The following TFEC variants were observed in gnomAD, a reference collection of about 807,000 sequenced individuals.
TFEC encodes the protein transcription factor EC, also known as class E basic helix-loop-helix protein 34.
A neutral mutation model predicts 41.6 loss-of-function variants in TFEC; 31 were observed. The observed-to-expected ratio is 0.74, with a 90% CI of 0.56 to 1.01. TFEC has a LOEUF of 1.01. Ranked by LOEUF, TFEC falls within the 50% of genes least tolerant of loss-of-function variation. TFEC has a pLI of 0.00. For synonymous variants in TFEC, 143 were observed against 140.6 expected (o/e 1.02, Z -0.12); for missense variants, 402 against 404.1 (o/e 0.99, Z 0.04).
At chr7:116,046,238 G>A (rs1023423360) in intron 3 of TFEC, among the ~76,000 whole-genome samples, 43 of 152,064 alleles carry the variant, frequency 2.8e-4, no homozygotes, top group African/African-American at 1.0e-3. Flanking sequence ...AGGGGCCAGG[G>A]GCAGAATGAT....
upstream of TFEC, among the ~76,000 whole-genome samples, chr7:116,033,050 T>C (rs895039421): frequency 6.6e-6 from 1 of 151,898 alleles, no homozygotes; most frequent in Non-Finnish European, 1.5e-5. Flanking sequence ...ACCTGATTGA[T>C]GTTTACAGAC....
intron 1 of TFEC, among the ~76,000 whole-genome samples, chr7:115,993,007 C>T (rs932336720): frequency 2.4e-4 from 37 of 152,166 alleles, no homozygotes; most frequent in Admixed American, 5.9e-4. Flanking sequence ...TTATCCACCA[C>T]GATCAAGTGG....
At chr7:116,074,345 T>C (rs1336924203) in intron 3 of TFEC, among the ~76,000 whole-genome samples, 1 of 151,830 alleles carries the variant, frequency 6.6e-6, no homozygotes, top group Non-Finnish European at 1.5e-5. Context: ...GAGGAATTAT[T>C]TGCAAATTAT....
intron 1 of TFEC, among the ~76,000 whole-genome samples, chr7:116,013,046 TC>T (rs759447531): frequency 3.7e-4 from 57 of 152,214 alleles, no homozygotes; most frequent in Non-Finnish European, 7.4e-4. Context: ...ATTAAAATAA[TC>T]TAATTGAAAA....
chr7:116,087,843 C>T (rs1797236149), intron 3 of TFEC, among the ~76,000 whole-genome samples: 1 of 152,082 alleles, frequency 6.6e-6, no homozygotes, highest in Non-Finnish European at 1.5e-5. Context: ...AATGTCAGAG[C>T]CAAAAGGCTT....
intron 3 of TFEC, among the ~76,000 whole-genome samples, chr7:116,055,968 T>C (rs1239668079): frequency 1.3e-5 from 2 of 152,136 alleles, no homozygotes; most frequent in Non-Finnish European, 2.9e-5. Flanking sequence ...TTATAATTCT[T>C]GATAACATAT....
At chr7:116,021,594 T>C (rs1795397414) in intron 1 of TFEC, among the ~76,000 whole-genome samples, 1 of 152,176 alleles carries the variant, frequency 6.6e-6, no homozygotes, top group South Asian at 2.1e-4. Context: ...AGATTTCAAA[T>C]ACAGTTATTT....
intron 3 of TFEC, 129 bp from the exon 4 acceptor site, chr7:115,956,922 T>A (rs1792265919): frequency 1.9e-6 from 1 of 536,276 alleles, no homozygotes; most frequent in Non-Finnish European, 2.9e-6. Flanking sequence ...TTTGGGGCAT[T>A]TTGCTTTTAA....
At chr7:115,998,596 C>T (rs1794461489) in intron 1 of TFEC, among the ~76,000 whole-genome samples, 1 of 150,794 alleles carries the variant, frequency 6.6e-6, no homozygotes, top group Admixed American at 6.6e-5. Flanking sequence ...CACACATTAG[C>T]TATAAAGATA....
chr7:115,989,848 G>T (rs1185899655), intron 1 of TFEC, among the ~76,000 whole-genome samples: 1 of 152,176 alleles, frequency 6.6e-6, no homozygotes, highest in Admixed American at 6.5e-5. Context: ...AGACTTAAAC[G>T]TCACTGTCTG....
chr7:116,101,556 C>T (rs1797605144), intron 3 of TFEC, among the ~76,000 whole-genome samples: 2 of 152,120 alleles, frequency 1.3e-5, no homozygotes, highest in South Asian at 2.1e-4. Context: ...ATTCAAACTA[C>T]TTGCCCCAAT....
At chr7:116,091,337 G>T (rs1274421990) in intron 3 of TFEC, among the ~76,000 whole-genome samples, 1 of 152,008 alleles carries the variant, frequency 6.6e-6, no homozygotes. Flanking sequence ...TTCAATTGTT[G>T]CAAGTACTAT....
intron 3 of TFEC, among the ~76,000 whole-genome samples, chr7:116,050,504 C>A (rs1049489281): frequency 6.6e-6 from 1 of 152,206 alleles, no homozygotes; most frequent in Non-Finnish European, 1.5e-5. Context: ...ACAGACACTT[C>A]TCAAAACAAG....
In TFEC at chr7:115,938,817, T is replaced by A. The variant is rs1208421098; in HGVS notation, c.*1734A>T. On this transcript the variant is annotated 3_prime_UTR_variant, in exon 8 of 8. Transcript: ENST00000265440. ...ACTAAAAAGATTTGTTTCTATTATA[T>A]TAATACTATATTATTTCACCATAGT... 6.6e-6 allele frequency: 1 copy of A among 151,946 alleles called. No homozygotes were observed. Among genetic ancestry groups the A allele is most frequent in the Admixed American group, 6.6e-5 (1 of 15,228 alleles). 9.4% of individuals were successfully genotyped at this position (151,946 alleles called of 1,614,324 possible). A position where few individuals can be genotyped will look rare whatever the true frequency, so the allele number is the denominator to read the frequency against.
chr7:116,132,887 T>C (rs917300465), intron 1 of TFEC, among the ~76,000 whole-genome samples: 2 of 152,194 alleles, frequency 1.3e-5, no homozygotes, highest in African/African-American at 4.8e-5. Flanking sequence ...ATATTTTAAT[T>C]AATATGCATA....
intron 1 of TFEC, among the ~76,000 whole-genome samples, chr7:116,149,261 C>G (rs1157307314): frequency 1.3e-5 from 2 of 152,088 alleles, no homozygotes; most frequent in Admixed American, 1.3e-4. Context: ...ATATAATTCA[C>G]AAATACATAA....
At chr7:116,142,800 G>C (rs752280939) in intron 1 of TFEC, among the ~76,000 whole-genome samples, 4 of 152,122 alleles carry the variant, frequency 2.6e-5, no homozygotes, top group Non-Finnish European at 4.4e-5. Flanking sequence ...TGGATTTCCT[G>C]TATCTTTATA....
chr7:115,982,744 G>A (rs1793683675), intron 2 of TFEC, among the ~76,000 whole-genome samples: 1 of 152,078 alleles, frequency 6.6e-6, no homozygotes, highest in African/African-American at 2.4e-5. Context: ...TGAGCCATGA[G>A]ATTATTTGAT....
At chr7:116,035,462 A>G (rs1219036020), upstream of TFEC, among the ~76,000 whole-genome samples, 1 of 152,116 alleles carries the variant, frequency 6.6e-6, no homozygotes, top group African/African-American at 2.4e-5. Flanking sequence ...ATTAATGTTA[A>G]CATTTTTATT....
Sources: allele counts gnomAD v4.1 joint callset (sites outside exome capture counted in the v4.1 genomes callset), GRCh38; gene constraint gnomAD v4.1.1; transcripts MANE v1.5; gene names NCBI Gene and HGNC (gene_info 2026-07-23, HGNC 2026-07-21).